Variants in SNU13 observed in about 807,000 individuals in gnomAD.
SNU13 encodes the protein small nuclear ribonucleoprotein 13, also known as NHP2-like protein 1.
Under a neutral mutation model 12.4 loss-of-function variants are expected in SNU13, and 2 were observed. The observed-to-expected ratio is 0.16, with a 90% CI of 0.07 to 0.51. The LOEUF (loss-of-function observed/expected upper bound fraction) is 0.51, where lower values mean the gene tolerates loss of function less well. Among genes scored for constraint, SNU13 ranks in the 20% least tolerant of loss-of-function variants. The probability of loss-of-function intolerance (pLI) is 0.96; values close to 1 mark genes in which losing one functional copy is unlikely to be tolerated. For synonymous variants in SNU13, 68 were observed against 66.5 expected, an observed-to-expected ratio of 1.02 and a Z score of -0.11; for missense variants, 66 against 157.8, an observed-to-expected ratio of 0.42 and a Z score of 3.12.
chr22:41,682,086 G>A (rs1249526983), intron 1 of SNU13, among the ~76,000 whole-genome samples: 2 of 151,706 alleles, frequency 1.3e-5, no homozygotes, highest in African/African-American at 4.8e-5. Context: ...CGTGTGTAAC[G>A]TGCGAATCGC....
intron 2 of SNU13, among the ~76,000 whole-genome samples, chr22:41,677,336 C>T (rs2068222977): frequency 6.6e-6 from 1 of 152,100 alleles, no homozygotes; most frequent in East Asian, 1.9e-4. Context: ...CCAGCCTGGG[C>T]AACATGGCAA....
At chr22:41,678,015 G>A (rs2068228844) in intron 2 of SNU13, among the ~76,000 whole-genome samples, 1 of 147,098 alleles carries the variant, frequency 6.8e-6, no homozygotes, top group South Asian at 2.1e-4. Flanking sequence ...TCACTCTGTC[G>A]CCCAGGCTAG....
At chr22:41,684,057 C>G (rs1212732113) in intron 1 of SNU13, among the ~76,000 whole-genome samples, 2 of 152,136 alleles carry the variant, frequency 1.3e-5, no homozygotes, top group African/African-American at 4.8e-5. Flanking sequence ...GTGCGCGTCA[C>G]CACACCGGGC....
At chr22:41,687,313 A>G (rs2068319159) in intron 1 of SNU13, among the ~76,000 whole-genome samples, 1 of 152,206 alleles carries the variant, frequency 6.6e-6, no homozygotes, top group South Asian at 2.1e-4. Context: ...CCCCCAAAGT[A>G]TGTACAACTA....
In SNU13 at chr22:41,673,934, G is replaced by A. The variant is rs899519026; in HGVS notation, c.*999C>T. ...ACTAAGAATCAGGCACTGCCATTCTGTCATCAAAATGGAACAGATTTATTA... is the reference window on the plus strand; with the variant it reads ...ACTAAGAATCAGGCACTGCCATTCTATCATCAAAATGGAACAGATTTATTA... On this transcript the variant is annotated 3_prime_UTR_variant, in exon 3 of 3. Transcript: ENST00000401959. The A allele has an allele frequency of 1.1e-4, 16 of 152,218 alleles. No individual in the cohort carries two copies. The highest frequency in any genetic ancestry group is 3.9e-4 in the African/African-American group (16 of 41,446). 9.4% of individuals were successfully genotyped at this position (152,218 alleles called of 1,614,324 possible).
At chr22:41,682,358 T>C (rs781226154) in intron 1 of SNU13, 10 of 1,613,730 alleles carry the variant, frequency 6.2e-6, no homozygotes, top group East Asian at 2.2e-5. Context: ...ACACTCACCA[T>C]AGCGTCTGTC....
At chr22:41,684,184 T>C (rs2157287) in intron 1 of SNU13, among the ~76,000 whole-genome samples, 121,517 of 152,154 alleles carry the variant, frequency 0.8, 49,491 homozygotes, top group East Asian at 0.92. Context: ...GGATTACAGG[T>C]GTGAGCCACT....
chr22:41,685,809 AAT>A (rs1248500144), intron 1 of SNU13, among the ~76,000 whole-genome samples: 1 of 151,882 alleles, frequency 6.6e-6, no homozygotes, highest in African/African-American at 2.4e-5. Context: ...CTACTAAAAA[AAT>A]ACAAAAAATA....
At chr22:41,680,489 C>CA in intron 1 of SNU13, 125 bp from the exon 2 acceptor site, 1 of 940,922 alleles carries the variant, frequency 1.1e-6, no homozygotes. Context: ...CTCAAACACA[C>CA]AAAACACCAG....
chr22:41,678,763 T>C, intron 2 of SNU13, among the ~76,000 whole-genome samples: 1 of 152,190 alleles, frequency 6.6e-6, no homozygotes, highest in Non-Finnish European at 1.5e-5. Flanking sequence ...GTTACTGCAG[T>C]GTGACGAGCA....
intron 2 of SNU13, among the ~76,000 whole-genome samples, chr22:41,675,608 G>A (rs2068205291): frequency 6.6e-6 from 1 of 151,652 alleles, no homozygotes; most frequent in Non-Finnish European, 1.5e-5. Context: ...TTTTAGTAGA[G>A]AGAGGGCTTC....
chr22:41,685,893 A>T (rs2068306215), intron 1 of SNU13, among the ~76,000 whole-genome samples: 2 of 151,578 alleles, frequency 1.3e-5, no homozygotes, highest in Non-Finnish European at 2.9e-5. Context: ...GCTTGAACCA[A>T]GGAGACAGAG....
intron 2 of SNU13, 134 bp downstream of exon 2, chr22:41,680,110 C>G (rs1213819427): frequency 8.5e-6 from 10 of 1,180,782 alleles, no homozygotes; most frequent in Admixed American, 2.6e-5. Flanking sequence ...GCTTTAGCAT[C>G]TAATGCCAAA....
At chr22:41,675,338 A>AGT in intron 2 of SNU13, 143 bp from the exon 3 acceptor site, 1 of 1,007,128 alleles carries the variant, frequency 9.9e-7, no homozygotes, top group Non-Finnish European at 1.5e-6. Context: ...AACACCAGTC[A>AGT]GTCATACACA....
Position 41,674,591 on chromosome 22 carries a change from G to A in SNU13, c.*342C>T, listed in dbSNP as rs1453702186. The A allele has an allele frequency of 3.5e-6, 1 of 281,964 alleles. No individual in the cohort carries two copies. Among genetic ancestry groups the A allele is most frequent in the Non-Finnish European group, 6.8e-6 (1 of 146,204 alleles). The allele number at this position is 281,964 out of a possible 1,614,324, so 17.5% of individuals were successfully genotyped here. A position where few individuals can be genotyped will look rare whatever the true frequency, so the allele number is the denominator to read the frequency against. On this transcript the variant is annotated 3_prime_UTR_variant, in exon 3 of 3. Transcript: ENST00000401959. ...ACACCCCGCACACAACAGGAAGCTA[G>A]TGGCTGAAAGCTGGAACCAGATCTC...
chr22:41,684,752 A>G (rs1310970345), intron 1 of SNU13, among the ~76,000 whole-genome samples: 2 of 152,220 alleles, frequency 1.3e-5, no homozygotes, highest in South Asian at 4.1e-4. Flanking sequence ...GCTCAGGCCT[A>G]TAATCCCACC....
chr22:41,682,421 G>T (rs1003190190), intron 1 of SNU13: 1 of 1,612,772 alleles, frequency 6.2e-7, no homozygotes, highest in South Asian at 1.1e-5. Flanking sequence ...CGGTTTGGAC[G>T]GTCTGCTGCC....
chr22:41,682,524 C>G (rs1028818738), intron 1 of SNU13: 4 of 1,518,098 alleles, frequency 2.6e-6, no homozygotes, highest in East Asian at 2.4e-5. Context: ...AGCCCGTACA[C>G]CAGGACGCCC....
In SNU13 at chr22:41,674,892, G is replaced by T; in HGVS notation, c.*41C>A. On this transcript the variant is annotated 3_prime_UTR_variant, in exon 3 of 3. Transcript: ENST00000401959. ...ACAGATAATATGATACACAACCTCA[G>T]GGGGGAAGCTGGCAGGGAGCACGTG... The T allele has an allele frequency of 1.9e-6, 3 of 1,600,888 alleles. No individual in the cohort carries two copies. The highest frequency in any genetic ancestry group is 2.6e-6 in the Non-Finnish European group (3 of 1,171,218).
Sources: gnomAD v4.1 joint callset for allele counts (sites outside exome capture counted in the v4.1 genomes callset) on GRCh38, gnomAD v4.1.1 for gene constraint, MANE v1.5 for transcripts, NCBI Gene and HGNC (gene_info 2026-07-23, HGNC 2026-07-21) for gene names.